Variants in LEPROTL1 observed in about 807,000 individuals in gnomAD.
The protein encoded by LEPROTL1 is leptin receptor overlapping transcript-like 1.
LEPROTL1 carries 6 observed loss-of-function variants against 15.4 expected under a neutral mutation model. That is an observed-to-expected ratio of 0.39 (90% CI 0.21 to 0.77). The LOEUF (loss-of-function observed/expected upper bound fraction) is 0.77, where lower values mean the gene tolerates loss of function less well. LEPROTL1 is among the 30% of genes least tolerant of loss of function. LEPROTL1 has a pLI of 0.41. For missense variants in LEPROTL1, 128 were observed against 158.1 expected, an observed-to-expected ratio of 0.81 and a Z score of 1.02; for synonymous variants, 56 against 52.6, an observed-to-expected ratio of 1.06 and a Z score of -0.28.
intron 1 of LEPROTL1, among the ~76,000 whole-genome samples, chr8:30,097,943 T>C (rs922566037): frequency 2.0e-5 from 3 of 151,790 alleles, no homozygotes; most frequent in Non-Finnish European, 4.4e-5. Flanking sequence ...TGTAAGAGTG[T>C]AATCAAAGAA....
downstream of LEPROTL1, among the ~76,000 whole-genome samples, chr8:30,110,042 T>C (rs928617088): frequency 6.6e-6 from 1 of 152,202 alleles, no homozygotes; most frequent in African/African-American, 2.4e-5. Flanking sequence ...TTCCAGGGTC[T>C]TATATCTCAC....
At chr8:30,124,032 G>T (rs529927372) in intron 3 of LEPROTL1, among the ~76,000 whole-genome samples, 81 of 151,658 alleles carry the variant, frequency 5.3e-4, no homozygotes, top group African/African-American at 1.9e-3. Context: ...CTGGAGTGCA[G>T]TGAAGAAGAA....
downstream of LEPROTL1, among the ~76,000 whole-genome samples, chr8:30,112,539 C>T (rs2117499366): frequency 6.7e-6 from 1 of 148,796 alleles, no homozygotes; most frequent in Non-Finnish European, 1.5e-5. Flanking sequence ...GGATTACAGG[C>T]ATGAGCCACT....
chr8:30,135,798 C>A (rs576645460), intron 4 of LEPROTL1, among the ~76,000 whole-genome samples: 1 of 151,312 alleles, frequency 6.6e-6, no homozygotes, highest in South Asian at 2.1e-4. Flanking sequence ...CCTGTGGTCC[C>A]AGCTACTGAG....
At chr8:30,104,222 AT>A (rs1563213870) in intron 2 of LEPROTL1, 77 bp from the exon 3 acceptor site, 3 of 876,086 alleles carry the variant, frequency 3.4e-6, no homozygotes, top group Non-Finnish European at 4.9e-6. Context: ...TTGAATCTTG[AT>A]TTTTTAAAAA....
intron 4 of LEPROTL1, among the ~76,000 whole-genome samples, chr8:30,133,301 T>C (rs1247389664): frequency 1.3e-5 from 2 of 152,226 alleles, no homozygotes; most frequent in African/African-American, 2.4e-5. Context: ...CTCTAGGGAA[T>C]GAAATTAGCG....
intron 4 of LEPROTL1, chr8:30,132,708 G>A (rs1261418270): frequency 6.4e-7 from 1 of 1,551,770 alleles, no homozygotes; most frequent in Admixed American, 2.0e-5. Flanking sequence ...GCTGGAAGGA[G>A]CACAGAGAGC....
chr8:30,117,579 G>A lies in LEPROTL1; in HGVS notation c.279+13093G>A, dbSNP rs899733983. ...CACTCCACACTTGTTTAGCCTGTCT[G>A]TGAGGTTCACAACAATTTTCCCAGC... On this transcript the variant is annotated intron_variant, in intron 3 of 4. Coordinates refer to the LEPROTL1 transcript ENST00000442880. 9 of 1,411,534 alleles carry A rather than the reference G, an allele frequency of 6.4e-6. No homozygotes were observed. The Admixed American group carries it at 1.3e-4, about 21-fold the overall frequency. 87.4% of individuals were successfully genotyped at this position (1,411,534 alleles called of 1,614,324 possible). A position where few individuals can be genotyped will look rare whatever the true frequency, so the allele number is the denominator to read the frequency against.
At position 30,101,972 on chromosome 8, in the gene LEPROTL1, A is replaced by G; in HGVS notation, c.91A>G (p.Asn31Asp). The change falls in exon 2 of 4, where the codon AAC becomes GAC. Residue 31 changes from asparagine to aspartate, a missense_variant and splice_region_variant. Physicochemically the swap from Asn to Asp is conservative, Grantham distance 23. Coordinates refer to ENST00000321250, the MANE Select transcript of LEPROTL1 (RefSeq NM_015344.3). The part of the protein sequence containing the change: ...LMLGCALPIY[N>D]KYWPLFVLFF... Reference sequence around the variant, plus strand: ...GCTTGGATGTGCCCTTCCAATATACAAGTATGTAAAATGTTTGTCTTTCTG... The same window carrying G: ...GCTTGGATGTGCCCTTCCAATATACGAGTATGTAAAATGTTTGTCTTTCTG... The G allele has an allele frequency of 6.3e-7, 1 of 1,583,544 alleles. No homozygotes were observed. The highest frequency in any genetic ancestry group is 2.3e-5 in the East Asian group (1 of 44,306).
downstream of LEPROTL1, among the ~76,000 whole-genome samples, chr8:30,110,380 C>T (rs191225598): frequency 1.3e-5 from 2 of 151,750 alleles, no homozygotes; most frequent in Non-Finnish European, 1.5e-5. Flanking sequence ...TGTGTGTGTG[C>T]GTGCGCGCGT....
At chr8:30,115,989 G>T (rs971948671) in intron 3 of LEPROTL1, among the ~76,000 whole-genome samples, 3 of 152,134 alleles carry the variant, frequency 2.0e-5, no homozygotes, top group African/African-American at 2.4e-5. Flanking sequence ...GATATAATAA[G>T]AAATATATTG....
intron 3 of LEPROTL1, chr8:30,117,506 C>T (rs1585472581): frequency 7.1e-7 from 1 of 1,400,926 alleles, no homozygotes; most frequent in Non-Finnish European, 1.0e-6. Context: ...AACAGATTTT[C>T]TGCCATTTTT....
intron 3 of LEPROTL1, among the ~76,000 whole-genome samples, chr8:30,119,709 T>A (rs552124479): frequency 4.6e-5 from 7 of 152,306 alleles, no homozygotes; most frequent in African/African-American, 1.7e-4. Context: ...GCCCATAACA[T>A]CTATATACGA....
chr8:30,133,669 G>A (rs1803074971), intron 4 of LEPROTL1, among the ~76,000 whole-genome samples: 1 of 151,666 alleles, frequency 6.6e-6, no homozygotes, highest in South Asian at 2.1e-4. Context: ...GGTGCAGTGG[G>A]TCCCATCACT....
intron 2 of LEPROTL1, among the ~76,000 whole-genome samples, chr8:30,103,489 C>G (rs1802504788): frequency 6.6e-6 from 1 of 151,950 alleles, no homozygotes; most frequent in Non-Finnish European, 1.5e-5. Context: ...GCCTGTAATC[C>G]TAGCACTTTG....
chr8:30,095,977 CGGTCTGCGGGCGCTGCACG>C, intron 1 of LEPROTL1: 1 of 672,832 alleles, frequency 1.5e-6, no homozygotes, highest in Non-Finnish European at 2.7e-6. Context: ...GGCACAAGTG[CGGTCTGCGGGCGCTGCACG>C]GGTCTGCCCG....
chr8:30,098,788 G>T (rs1585460171), intron 1 of LEPROTL1, among the ~76,000 whole-genome samples: 1 of 152,148 alleles, frequency 6.6e-6, no homozygotes, highest in African/African-American at 2.4e-5. Flanking sequence ...AGTGTTAAGA[G>T]CCAGGCACGA....
chr8:30,095,455 G>GGCTGCCGCTGCTGCC lies in LEPROTL1; in HGVS notation c.-55_-41dup. On this transcript the variant is annotated 5_prime_UTR_variant, in exon 1 of 4. Coordinates refer to ENST00000321250, the MANE Select transcript of LEPROTL1 (RefSeq NM_015344.3). ...CGCCGTAGCGCGTCTTGGGTCTCCCGGCTGCCGCTGCTGCCGCCGCCGCCT... is the reference window on the plus strand; with the variant it reads ...CGCCGTAGCGCGTCTTGGGTCTCCCGGCTGCCGCTGCTGCCGCTGCCGCTGCTGCCGCCGCCGCCT... 2 of 1,460,022 alleles carry GGCTGCCGCTGCTGCC rather than the reference G, an allele frequency of 1.4e-6. No homozygotes were observed. The highest frequency in any genetic ancestry group is 9.0e-7 in the Non-Finnish European group (1 of 1,109,462). 90.4% of individuals were successfully genotyped at this position (1,460,022 alleles called of 1,614,324 possible).
At chr8:30,131,779 A>G (rs1803020045) in intron 3 of LEPROTL1, 1 of 761,834 alleles carries the variant, frequency 1.3e-6, no homozygotes, top group Non-Finnish European at 2.0e-6. Flanking sequence ...ATAGCTTGCT[A>G]AAGTAGATAC....
Sources: allele counts gnomAD v4.1 joint callset (sites outside exome capture counted in the v4.1 genomes callset), GRCh38; gene constraint gnomAD v4.1.1; transcripts MANE v1.5; gene names NCBI Gene and HGNC (gene_info 2026-07-23, HGNC 2026-07-21).